Variants in DACH1 observed in about 807,000 individuals in gnomAD.
The protein encoded by DACH1 is dachshund homolog 1.
Under a neutral mutation model 54.2 loss-of-function variants are expected in DACH1, and 12 were observed. The observed-to-expected ratio is 0.22, with a 90% CI of 0.14 to 0.36. The LOEUF is 0.36. DACH1 is among the 10% of genes least tolerant of loss of function. DACH1 has a pLI of 1.00. For synonymous variants in DACH1, 386 were observed against 366.2 expected (o/e 1.05, Z -0.62); for missense variants, 805 against 929.8 (o/e 0.87, Z 1.75).
At chr13:71,453,926 G>A (rs572924344) in intron 10 of DACH1, among the ~76,000 whole-genome samples, 1 of 152,012 alleles carries the variant, frequency 6.6e-6, no homozygotes, top group Non-Finnish European at 1.5e-5. Flanking sequence ...CTGATATTTA[G>A]ACAGTATATG....
At chr13:71,679,941 C>T (rs937351026) in intron 2 of DACH1, among the ~76,000 whole-genome samples, 1 of 70,184 alleles carries the variant, frequency 1.4e-5, no homozygotes, top group Non-Finnish European at 2.9e-5. Context: ...GACTCCGTCT[C>T]AAAAAAAAAA....
chr13:71,617,004 C>A (rs1875830717), intron 3 of DACH1, among the ~76,000 whole-genome samples: 1 of 151,744 alleles, frequency 6.6e-6, no homozygotes, highest in South Asian at 2.1e-4. Context: ...GCCTCAGCCT[C>A]CCGAGTAGCT....
intron 6 of DACH1, among the ~76,000 whole-genome samples, chr13:71,497,217 G>A (rs1426267639): frequency 6.6e-6 from 1 of 152,128 alleles, no homozygotes; most frequent in Non-Finnish European, 1.5e-5. Flanking sequence ...AGTATGAATG[G>A]ATGAATAATT....
chr13:71,554,757 A>T (rs1884130051), intron 6 of DACH1, among the ~76,000 whole-genome samples: 1 of 152,186 alleles, frequency 6.6e-6, no homozygotes, highest in Admixed American at 6.5e-5. Context: ...ATAACTTCCA[A>T]ATAACAAAGC....
At chr13:71,585,183 T>C (rs1014933834) in intron 3 of DACH1, among the ~76,000 whole-genome samples, 1 of 151,828 alleles carries the variant, frequency 6.6e-6, no homozygotes. Flanking sequence ...GGAGTTTATA[T>C]TAAAACTACA....
At chr13:71,594,131 G>C (rs1344619542) in intron 3 of DACH1, among the ~76,000 whole-genome samples, 1 of 151,232 alleles carries the variant, frequency 6.6e-6, no homozygotes, top group African/African-American at 2.4e-5. Context: ...CAAATGCTGT[G>C]TATTAAAATA....
At chr13:71,465,148 T>A (rs1025010004) in intron 10 of DACH1, among the ~76,000 whole-genome samples, 4 of 152,188 alleles carry the variant, frequency 2.6e-5, no homozygotes, top group African/African-American at 7.2e-5. Context: ...AATGATTATG[T>A]TTTTTTCTAA....
chr13:71,682,403 C>A (rs1050328935), intron 1 of DACH1, among the ~76,000 whole-genome samples: 5 of 152,114 alleles, frequency 3.3e-5, no homozygotes, highest in Non-Finnish European at 5.9e-5. Flanking sequence ...CTACAGTTAG[C>A]TGGGAGGTGG....
intron 1 of DACH1, among the ~76,000 whole-genome samples, chr13:71,840,560 TC>T (rs907982963): frequency 6.6e-6 from 1 of 152,218 alleles, no homozygotes; most frequent in African/African-American, 2.4e-5. Context: ...ACATTTTTTT[TC>T]ACATTCTCAT....
In DACH1 at chr13:71,563,273, A is replaced by G. The variant is rs982607241; in HGVS notation, c.1300-3318T>C. 2.9e-4 allele frequency among the ~76,000 whole-genome samples: 44 copies of G among 152,004 alleles called. 1 individual carries two copies. Among genetic ancestry groups the G allele is most frequent in the Admixed American group, 2.9e-3 (44 of 15,250 alleles). On this transcript the variant is annotated intron_variant, in intron 4 of 10. Coordinates refer to ENST00000613252, the MANE Select transcript of DACH1 (RefSeq NM_080759.6). ...TCAATAAATTTTAACATTTTTCTTA[A>G]TCATTATGTTAATGCATGTTTGGCT... is the stretch of plus-strand genomic sequence containing the variant.
intron 1 of DACH1, among the ~76,000 whole-genome samples, chr13:71,822,338 C>T (rs1220528695): frequency 1.3e-5 from 2 of 152,250 alleles, no homozygotes; most frequent in African/African-American, 2.4e-5. Context: ...CCTGTGCCAC[C>T]TTTAATATAG....
chr13:71,773,469 A>C (rs1255558298), intron 1 of DACH1, among the ~76,000 whole-genome samples: 3 of 151,920 alleles, frequency 2.0e-5, no homozygotes, highest in Non-Finnish European at 4.4e-5. Flanking sequence ...TTTTAACTCA[A>C]AACTAAACCA....
chr13:71,735,990 G>A (rs1174970788), intron 1 of DACH1, among the ~76,000 whole-genome samples: 1 of 151,936 alleles, frequency 6.6e-6, no homozygotes, highest in Non-Finnish European at 1.5e-5. Context: ...TTTCTTAAAA[G>A]GTCATATAAA....
chr13:71,679,706 CA>C (rs1880780818), intron 2 of DACH1, among the ~76,000 whole-genome samples: 1 of 151,906 alleles, frequency 6.6e-6, no homozygotes, highest in South Asian at 2.1e-4. Flanking sequence ...AAAAGTTGGC[CA>C]GGCGCAGTGG....
chr13:71,512,722 A>G (rs1285659674), intron 6 of DACH1, among the ~76,000 whole-genome samples: 2 of 151,946 alleles, frequency 1.3e-5, no homozygotes, highest in Non-Finnish European at 2.9e-5. Flanking sequence ...AAGGAATTGC[A>G]CAAATAACTT....
chr13:71,709,512 A>G (rs958192917), intron 1 of DACH1, among the ~76,000 whole-genome samples: 2 of 151,648 alleles, frequency 1.3e-5, no homozygotes, highest in African/African-American at 4.8e-5. Flanking sequence ...TTAGTCACTT[A>G]GTAACTAACT....
At position 71,866,901 on chromosome 13, in the gene DACH1, A is replaced by C; in HGVS notation, c.-132T>G. The C allele has an allele frequency of 1.5e-6, 1 of 658,896 alleles. No homozygotes were observed. Among genetic ancestry groups the C allele is most frequent in the Non-Finnish European group, 2.1e-6 (1 of 470,036 alleles). 40.8% of individuals were successfully genotyped at this position (658,896 alleles called of 1,614,324 possible). ...ACAACAACTCCGGGAGAGAACGAGAAGGAGAAAGGGAGAGAAGGGGGAGAA... is the reference window on the plus strand; with the variant it reads ...ACAACAACTCCGGGAGAGAACGAGACGGAGAAAGGGAGAGAAGGGGGAGAA... On this transcript the variant is annotated 5_prime_UTR_variant, in exon 1 of 11. Coordinates refer to ENST00000613252, the MANE Select transcript of DACH1 (RefSeq NM_080759.6).
intron 9 of DACH1, among the ~76,000 whole-genome samples, 181 bp from the exon 10 acceptor site, chr13:71,475,390 T>G (rs565701769): frequency 1.4e-4 from 21 of 152,280 alleles, no homozygotes; most frequent in African/African-American, 5.1e-4. Context: ...CAGTAAGCAA[T>G]GCAACATTGT....
At chr13:71,859,353 T>C (rs12585855) in intron 1 of DACH1, among the ~76,000 whole-genome samples, 1 of 151,724 alleles carries the variant, frequency 6.6e-6, no homozygotes, top group Admixed American at 6.6e-5. Context: ...ACATTTTAAA[T>C]GCATTTGGTT....
Sources: gnomAD v4.1 joint callset for allele counts (sites outside exome capture counted in the v4.1 genomes callset) on GRCh38, gnomAD v4.1.1 for gene constraint, MANE v1.5 for transcripts, NCBI Gene and HGNC (gene_info 2026-07-23, HGNC 2026-07-21) for gene names.